ARL15: variants seen among roughly 807,000 people sequenced by gnomAD.
ARL15 encodes the protein ADP-ribosylation factor-like protein 15.
ARL15 carries 19 observed loss-of-function variants against 25.2 expected under a neutral mutation model. The ratio of observed to expected loss-of-function variants is 0.75; its 90% CI spans 0.53 to 1.10. The LOEUF (loss-of-function observed/expected upper bound fraction) is 1.10. ARL15 is among the 50% of genes least tolerant of loss of function. The pLI, the probability that ARL15 is intolerant of heterozygous loss-of-function variation, is 0.00. For synonymous variants in ARL15, 94 were observed against 86.8 expected (o/e 1.08, Z -0.46); for missense variants, 220 against 246.0 (o/e 0.89, Z 0.71).
intron 3 of ARL15, among the ~76,000 whole-genome samples, chr5:54,122,266 T>C (rs1328307574): frequency 1.3e-5 from 2 of 152,222 alleles, no homozygotes; most frequent in Non-Finnish European, 2.9e-5. Flanking sequence ...AAATAAGAAA[T>C]TTCTCCCCTT....
chr5:54,079,299 A>G (rs1304897108), intron 4 of ARL15, among the ~76,000 whole-genome samples: 1 of 152,218 alleles, frequency 6.6e-6, no homozygotes, highest in Non-Finnish European at 1.5e-5. Flanking sequence ...ACAGAATCAA[A>G]ATCACCCAAC....
intron 1 of ARL15, among the ~76,000 whole-genome samples, chr5:54,307,155 G>A (rs539113821): frequency 6.6e-6 from 1 of 152,086 alleles, no homozygotes; most frequent in Admixed American, 6.5e-5. Flanking sequence ...TGCCCTTCTA[G>A]GAAGATTCAC....
chr5:54,259,536 G>T (rs912335182), intron 1 of ARL15, among the ~76,000 whole-genome samples: 7 of 152,254 alleles, frequency 4.6e-5, no homozygotes, highest in Admixed American at 3.9e-4. Flanking sequence ...GAAAGAAACA[G>T]GTTAGAGATG....
intron 4 of ARL15, among the ~76,000 whole-genome samples, chr5:53,907,478 A>G (rs867702935): frequency 7.5e-5 from 2 of 26,496 alleles, no homozygotes; most frequent in South Asian, 2.4e-3. Context: ...ATATATATAT[A>G]TATATATATA....
chr5:54,127,917 G>GA (rs1294726140), intron 3 of ARL15, among the ~76,000 whole-genome samples: 1 of 152,000 alleles, frequency 6.6e-6, no homozygotes, highest in Non-Finnish European at 1.5e-5. Context: ...AAGCAATGGG[G>GA]AAAGGATTCC....
chr5:53,915,351 A>G (rs1424631600), intron 4 of ARL15, among the ~76,000 whole-genome samples: 1 of 152,222 alleles, frequency 6.6e-6, no homozygotes, highest in Non-Finnish European at 1.5e-5. Flanking sequence ...TACTGCCCTC[A>G]AAGAACCCGT....
chr5:54,224,847 T>TA (rs1756474524), intron 1 of ARL15, among the ~76,000 whole-genome samples: 1 of 152,244 alleles, frequency 6.6e-6, no homozygotes, highest in Admixed American at 6.5e-5. Flanking sequence ...GAACAGGCAG[T>TA]ATCACAAATT....
chr5:53,888,335 C>A (rs1348597845), intron 4 of ARL15, among the ~76,000 whole-genome samples: 1 of 151,840 alleles, frequency 6.6e-6, no homozygotes, highest in Admixed American at 6.6e-5. Context: ...GGCTGGAGTG[C>A]AATGGTAGGA....
chr5:53,920,995 C>A (rs1196443999), intron 4 of ARL15, among the ~76,000 whole-genome samples: 1 of 152,118 alleles, frequency 6.6e-6, no homozygotes, highest in African/African-American at 2.4e-5. Context: ...GAGAGCAGAA[C>A]AAGATAGAGG....
intron 4 of ARL15, among the ~76,000 whole-genome samples, chr5:53,925,714 A>G (rs1745996943): frequency 6.6e-6 from 1 of 152,132 alleles, no homozygotes; most frequent in South Asian, 2.1e-4. Flanking sequence ...AGGCTAAGGC[A>G]TGAAGATTGC....
intron 4 of ARL15, among the ~76,000 whole-genome samples, chr5:53,961,902 G>A (rs528825087): frequency 1.2e-4 from 19 of 152,184 alleles, no homozygotes; most frequent in African/African-American, 4.1e-4. Flanking sequence ...AAGGTCTTTC[G>A]ATAGCAGCAC....
chr5:53,957,596 G>A (rs1004395903), intron 4 of ARL15, among the ~76,000 whole-genome samples: 1 of 152,108 alleles, frequency 6.6e-6, no homozygotes, highest in African/African-American at 2.4e-5. Context: ...AGCACTTTGG[G>A]TGAATTGCTT....
intron 1 of ARL15, among the ~76,000 whole-genome samples, chr5:54,224,043 A>G (rs1756449955): frequency 6.6e-6 from 1 of 152,164 alleles, no homozygotes; most frequent in African/African-American, 2.4e-5. Context: ...CTTACATCAT[A>G]TTAGGATGTT....
chr5:54,308,903 G>A (rs911437494), intron 1 of ARL15, among the ~76,000 whole-genome samples: 13 of 152,132 alleles, frequency 8.5e-5, no homozygotes, highest in African/African-American at 1.2e-4. Flanking sequence ...TAGTAGTACA[G>A]GCAATGTCAC....
chr5:54,056,042 T>C (rs1042986930), intron 4 of ARL15, among the ~76,000 whole-genome samples: 2 of 152,156 alleles, frequency 1.3e-5, no homozygotes, highest in African/African-American at 4.8e-5. Flanking sequence ...ATTTTACATT[T>C]ATTATACAAA....
chr5:54,182,864 C>T (rs1368322348), intron 1 of ARL15, among the ~76,000 whole-genome samples: 20 of 151,524 alleles, frequency 1.3e-4, no homozygotes, highest in African/African-American at 3.9e-4. Flanking sequence ...AGGTCCTTCA[C>T]GTCCCTTGTA....
At chr5:54,240,310 G>T (rs1756927078) in intron 1 of ARL15, among the ~76,000 whole-genome samples, 1 of 150,294 alleles carries the variant, frequency 6.7e-6, no homozygotes, top group South Asian at 2.1e-4. Context: ...GGCTCAAAAG[G>T]TGTCATTAAA....
At chr5:54,271,353 A>C (rs1161174849) in intron 1 of ARL15, among the ~76,000 whole-genome samples, 3 of 152,206 alleles carry the variant, frequency 2.0e-5, no homozygotes, top group Admixed American at 2.0e-4. Flanking sequence ...CAGATTCTCA[A>C]ATCTAGATAT....
intron 3 of ARL15, among the ~76,000 whole-genome samples, chr5:54,127,112 C>T (rs370557972): frequency 1.3e-4 from 20 of 152,166 alleles, no homozygotes; most frequent in East Asian, 3.9e-4. Flanking sequence ...TTTGTTCTTG[C>T]GATAGTTTAC....
Sources: gnomAD v4.1 joint callset for allele counts (sites outside exome capture counted in the v4.1 genomes callset) on GRCh38, gnomAD v4.1.1 for gene constraint, MANE v1.5 for transcripts, NCBI Gene and HGNC (gene_info 2026-07-23, HGNC 2026-07-21) for gene names.